SHANK2: variants seen among roughly 807,000 people sequenced by gnomAD.
SHANK2 encodes SH3 and multiple ankyrin repeat domains protein 2.
In SHANK2, 43 loss-of-function variants were observed where a neutral mutation model predicts 133.7. That is an observed-to-expected ratio of 0.32 (90% CI 0.25 to 0.41). The LOEUF (loss-of-function observed/expected upper bound fraction) is 0.41. SHANK2 is among the 10% of genes least tolerant of loss of function. SHANK2 has a pLI of 1.00. For missense variants in SHANK2, 1,994 were observed against 2,235.8 expected, an observed-to-expected ratio of 0.89 and a Z score of 2.18; for synonymous variants, 1,017 against 952.8, an observed-to-expected ratio of 1.07 and a Z score of -1.24.
chr11:71,084,030 C>T (rs1358052965), intron 8 of SHANK2, among the ~76,000 whole-genome samples: 14 of 149,836 alleles, frequency 9.3e-5, no homozygotes, highest in African/African-American at 1.0e-4. Context: ...AGTGCAGTGG[C>T]GCAGTCTCAG....
At chr11:70,890,236 G>T in intron 11 of SHANK2, among the ~76,000 whole-genome samples, 1 of 152,284 alleles carries the variant, frequency 6.6e-6, no homozygotes, top group East Asian at 1.9e-4. Context: ...GGGCGTGGTG[G>T]CTCATGCTTG....
At position 70,882,980 on chromosome 11, in the gene SHANK2, G is replaced by T. The variant is rs1389067334; in HGVS notation, c.1174+13521C>A. Among the ~76,000 whole-genome samples, 1 of 152,168 alleles carries T rather than the reference G, an allele frequency of 6.6e-6. No individual in the cohort carries two copies. Among genetic ancestry groups the T allele is most frequent in the Non-Finnish European group, 1.5e-5 (1 of 68,018 alleles). On this transcript the variant is annotated intron_variant, in intron 11 of 25. Transcript: ENST00000601538. The surrounding 1 kb of genome is among the most constrained non-coding windows in gnomAD (Gnocchi z 4.2). Reference sequence around the variant, plus strand: ...GTGGGAGGGGAGGGCAGGAGCCAGGGTCCCAGAGGTCAAGGTGGCAGAGAG... The same window carrying T: ...GTGGGAGGGGAGGGCAGGAGCCAGGTTCCCAGAGGTCAAGGTGGCAGAGAG...
intron 17 of SHANK2, among the ~76,000 whole-genome samples, chr11:70,629,726 CT>C (rs767833010): frequency 2.6e-5 from 4 of 152,178 alleles, no homozygotes; most frequent in African/African-American, 4.8e-5. Flanking sequence ...CAGGGAGCAC[CT>C]GCTGCAGAGC....
chr11:70,684,732 G>A (rs1417909394), intron 15 of SHANK2, among the ~76,000 whole-genome samples: 1 of 151,898 alleles, frequency 6.6e-6, no homozygotes, highest in Admixed American at 6.5e-5. Flanking sequence ...GTGAGTGCCT[G>A]AGTCACACTC....
chr11:70,938,468 C>A (rs1431198130), intron 10 of SHANK2, among the ~76,000 whole-genome samples: 1 of 152,192 alleles, frequency 6.6e-6, no homozygotes, highest in Admixed American at 6.5e-5. Flanking sequence ...ATTACTGAAA[C>A]AAAAGACGGG....
At chr11:71,146,213 T>C (rs1555106669) in intron 3 of SHANK2, among the ~76,000 whole-genome samples, 1 of 152,216 alleles carries the variant, frequency 6.6e-6, no homozygotes, top group East Asian at 1.9e-4. Flanking sequence ...TGAGGCCACA[T>C]GTGGCACAGT....
intron 2 of SHANK2, among the ~76,000 whole-genome samples, chr11:71,191,316 C>T (rs1225707399): frequency 1.3e-5 from 2 of 152,160 alleles, no homozygotes; most frequent in African/African-American, 4.8e-5. Context: ...CAGATGTCTT[C>T]GCCTGGGCTA....
At chr11:70,814,282 ACACTG>A (rs1351414385) in intron 12 of SHANK2, among the ~76,000 whole-genome samples, 1 of 151,672 alleles carries the variant, frequency 6.6e-6, no homozygotes, top group Non-Finnish European at 1.5e-5. Context: ...CAAGATCGTG[ACACTG>A]CACTCCAGCC....
intron 17 of SHANK2, among the ~76,000 whole-genome samples, chr11:70,645,984 C>A (rs970347865): frequency 6.6e-6 from 1 of 152,226 alleles, no homozygotes; most frequent in Non-Finnish European, 1.5e-5. Context: ...CTAATGCCAT[C>A]TCCTTCCTCA....
At chr11:71,077,354 G>A (rs1308380505) in intron 8 of SHANK2, among the ~76,000 whole-genome samples, 2 of 152,190 alleles carry the variant, frequency 1.3e-5, no homozygotes, top group African/African-American at 2.4e-5. Flanking sequence ...GAGCTTGTAA[G>A]TTCCATCAGT....
chr11:70,534,842 G>A (rs2059524046), intron 17 of SHANK2, among the ~76,000 whole-genome samples: 1 of 152,196 alleles, frequency 6.6e-6, no homozygotes, highest in African/African-American at 2.4e-5. Context: ...CTGCATGACG[G>A]TCTTTCCCTT....
chr11:70,945,360 G>A (rs1243788259), intron 10 of SHANK2, among the ~76,000 whole-genome samples: 5 of 152,120 alleles, frequency 3.3e-5, no homozygotes, highest in African/African-American at 1.2e-4. Context: ...AAGGCAGAAG[G>A]CTGGTGAGAT....
Position 70,602,875 on chromosome 11 carries a change from T to G in SHANK2, c.2061+56953A>C, listed in dbSNP as rs146294107. Among the ~76,000 whole-genome samples, 11 of 152,330 alleles carry G rather than the reference T, an allele frequency of 7.2e-5. No homozygotes were observed. In the East Asian group the frequency reaches 1.9e-3, roughly 27 times the overall value. On this transcript the variant is annotated intron_variant, in intron 17 of 25. Coordinates refer to ENST00000601538, the MANE Select transcript of SHANK2 (RefSeq NM_012309.5). ...TGCACGTGGACCCACAGGCTTTGGA[T>G]AGCGACTAAGAAGCTGTCTATCATA...
intron 11 of SHANK2, among the ~76,000 whole-genome samples, chr11:70,895,231 C>T (rs572370224): frequency 7.9e-5 from 12 of 152,310 alleles, no homozygotes; most frequent in East Asian, 7.7e-4. Flanking sequence ...AGGTACCGGC[C>T]GTGGTTGACG....
chr11:70,558,718 C>G (rs782612389), intron 17 of SHANK2, among the ~76,000 whole-genome samples: 1 of 152,058 alleles, frequency 6.6e-6, no homozygotes, highest in Non-Finnish European at 1.5e-5. Flanking sequence ...GTGAGTGAAC[C>G]GAAAGAGACA....
intron 17 of SHANK2, among the ~76,000 whole-genome samples, chr11:70,645,089 A>G (rs1555007771): frequency 6.6e-6 from 1 of 152,040 alleles, no homozygotes; most frequent in East Asian, 1.9e-4. Flanking sequence ...GGGCACCTAT[A>G]ATCCCAGCTA....
chr11:70,814,864 C>T (rs1381495231), intron 12 of SHANK2, among the ~76,000 whole-genome samples: 1 of 152,328 alleles, frequency 6.6e-6, no homozygotes, highest in African/African-American at 2.4e-5. Flanking sequence ...CAGGGCAGCC[C>T]TTGGGACTGG....
At chr11:70,781,283 G>A (rs1555045065) in intron 14 of SHANK2, among the ~76,000 whole-genome samples, 2 of 151,744 alleles carry the variant, frequency 1.3e-5, no homozygotes, top group Non-Finnish European at 1.5e-5. Context: ...CATGAGAAAC[G>A]TCCGGTTTGA....
At chr11:70,936,417 C>G (rs991786545) in intron 10 of SHANK2, among the ~76,000 whole-genome samples, 1 of 152,134 alleles carries the variant, frequency 6.6e-6, no homozygotes, top group African/African-American at 2.4e-5. Context: ...GAGGCTGAGG[C>G]AGGAGAATCA....
Sources: gnomAD v4.1 joint callset for allele counts (sites outside exome capture counted in the v4.1 genomes callset) on GRCh38, gnomAD v4.1.1 for gene constraint, Gnocchi (gnomAD v3.1) non-coding constraint, MANE v1.5 for transcripts, NCBI Gene and HGNC (gene_info 2026-07-23, HGNC 2026-07-21) for gene names.